Variants in NRCAM observed in about 807,000 individuals in gnomAD.
The protein encoded by NRCAM is NgCAM-related cell adhesion molecule.
NRCAM carries 83 observed loss-of-function variants against 156.5 expected under a neutral mutation model. The observed-to-expected ratio is 0.53, with a 90% CI of 0.44 to 0.64. The LOEUF (loss-of-function observed/expected upper bound fraction) is 0.64. NRCAM is among the 30% of genes least tolerant of loss of function. NRCAM has a pLI of 0.00. For missense variants in NRCAM, 1,417 were observed against 1,597.3 expected (o/e 0.89, Z 1.92); for synonymous variants, 538 against 563.9 (o/e 0.95, Z 0.65).
At chr7:108,296,210 AAGTGGG>A (rs367854296) in intron 3 of NRCAM, among the ~76,000 whole-genome samples, 25 of 152,208 alleles carry the variant, frequency 1.6e-4, no homozygotes, top group African/African-American at 5.8e-4. Context: ...CTAGTGGACA[AAGTGGG>A]GCCTCTGTAA....
chr7:108,446,604 C>T (rs1844468973), intron 1 of NRCAM, among the ~76,000 whole-genome samples: 1 of 152,146 alleles, frequency 6.6e-6, no homozygotes, highest in African/African-American at 2.4e-5. Flanking sequence ...AAGCAAGGGC[C>T]CCCAATGCCT....
At chr7:108,213,856 T>C (rs1301520468) in intron 11 of NRCAM, among the ~76,000 whole-genome samples, 4 of 152,214 alleles carry the variant, frequency 2.6e-5, no homozygotes, top group Admixed American at 6.5e-5. Context: ...AAGATGATCA[T>C]GTGGTTTTTG....
intron 1 of NRCAM, among the ~76,000 whole-genome samples, chr7:108,418,597 A>ACG (rs1373147735): frequency 2.0e-5 from 3 of 149,116 alleles, no homozygotes; most frequent in Non-Finnish European, 4.5e-5. Context: ...ACACACACAC[A>ACG]CACGCACTGA....
intron 3 of NRCAM, among the ~76,000 whole-genome samples, chr7:108,245,570 T>C (rs888379981): frequency 1.3e-4 from 20 of 152,146 alleles, no homozygotes; most frequent in African/African-American, 4.8e-4. Flanking sequence ...ACAATATTCA[T>C]AAAGTACAAA....
At chr7:108,282,385 A>C (rs545299954) in intron 3 of NRCAM, among the ~76,000 whole-genome samples, 13 of 152,312 alleles carry the variant, frequency 8.5e-5, no homozygotes, top group African/African-American at 3.1e-4. Flanking sequence ...AGACATGATT[A>C]CCAGAAACAT....
chr7:108,293,532 C>T (rs748492436), intron 3 of NRCAM, among the ~76,000 whole-genome samples: 2 of 152,156 alleles, frequency 1.3e-5, no homozygotes, highest in South Asian at 4.1e-4. Context: ...TGTTTTCCTA[C>T]GTCATAAAGG....
intron 1 of NRCAM, among the ~76,000 whole-genome samples, chr7:108,402,121 CATG>C (rs1185393280): frequency 3.9e-5 from 6 of 152,222 alleles, no homozygotes; most frequent in Non-Finnish European, 8.8e-5. Context: ...CTCAGTCCAT[CATG>C]ATATCTGAGT....
At chr7:108,381,488 T>C (rs567844366) in intron 2 of NRCAM, among the ~76,000 whole-genome samples, 1 of 151,850 alleles carries the variant, frequency 6.6e-6, no homozygotes, top group African/African-American at 2.4e-5. Context: ...CAAATTTCAA[T>C]AGAAAATGTT....
intron 3 of NRCAM, among the ~76,000 whole-genome samples, chr7:108,251,905 T>C (rs1385799502): frequency 6.6e-6 from 1 of 152,076 alleles, no homozygotes; most frequent in Admixed American, 6.6e-5. Context: ...ATTGCATCAC[T>C]ACACTCCAGC....
At chr7:108,384,937 C>T (rs930231530) in intron 2 of NRCAM, among the ~76,000 whole-genome samples, 1 of 152,152 alleles carries the variant, frequency 6.6e-6, no homozygotes, top group Non-Finnish European at 1.5e-5. Context: ...AACTAAACAA[C>T]ATGCCAAGTG....
At chr7:108,154,580 A>G (rs1406613954) in intron 32 of NRCAM, among the ~76,000 whole-genome samples, 7 of 152,196 alleles carry the variant, frequency 4.6e-5, no homozygotes, top group Non-Finnish European at 1.0e-4. Flanking sequence ...TGCTTGAAAG[A>G]AGAGAAGGAA....
intron 1 of NRCAM, among the ~76,000 whole-genome samples, chr7:108,445,916 TC>T (rs1201461840): frequency 6.6e-6 from 1 of 152,186 alleles, no homozygotes; most frequent in Admixed American, 6.5e-5. Context: ...CATGAGAGCT[TC>T]TGATCTGTTT....
At chr7:108,447,255 CTTTCTTTTTTT>C (rs1676314390) in intron 1 of NRCAM, among the ~76,000 whole-genome samples, 1 of 104,538 alleles carries the variant, frequency 9.6e-6, no homozygotes, top group Admixed American at 1.1e-4. Flanking sequence ...AAGTTCACTT[CTTTCTTTTTTT>C]TTTTTTTTTT....
At chr7:108,221,173 C>A (rs1242672662) in intron 11 of NRCAM, among the ~76,000 whole-genome samples, 1 of 152,128 alleles carries the variant, frequency 6.6e-6, no homozygotes, top group Admixed American at 6.6e-5. Context: ...GCAAGAATGG[C>A]CATAACCAAA....
intron 3 of NRCAM, among the ~76,000 whole-genome samples, chr7:108,254,625 G>A (rs894710330): frequency 1.3e-5 from 2 of 148,686 alleles, no homozygotes; most frequent in African/African-American, 2.5e-5. Flanking sequence ...TCAGCTAAGG[G>A]CAACCTCTGT....
chr7:108,207,307 T>C, intron 13 of NRCAM: 1 of 383,778 alleles, frequency 2.6e-6, no homozygotes. Context: ...TATTGCCAAG[T>C]ACCAGTCATC....
intron 3 of NRCAM, among the ~76,000 whole-genome samples, chr7:108,308,652 C>A (rs1192779072): frequency 1.3e-5 from 2 of 152,214 alleles, no homozygotes; most frequent in Non-Finnish European, 2.9e-5. Context: ...CTCACTATGG[C>A]ATTATCCTTA....
chr7:108,364,513 C>A (rs12538050), intron 2 of NRCAM, among the ~76,000 whole-genome samples: 1 of 151,884 alleles, frequency 6.6e-6, no homozygotes, highest in East Asian at 1.9e-4. Flanking sequence ...TGTATAGACC[C>A]GGGAGAACTG....
At chr7:108,200,594 T>C (rs566204308) in intron 13 of NRCAM, among the ~76,000 whole-genome samples, 1 of 152,284 alleles carries the variant, frequency 6.6e-6, no homozygotes, top group South Asian at 2.1e-4. Flanking sequence ...TTCTGGAGAC[T>C]TGTTCTCTGT....
Sources: gnomAD v4.1 joint callset for allele counts (sites outside exome capture counted in the v4.1 genomes callset) on GRCh38, gnomAD v4.1.1 for gene constraint, MANE v1.5 for transcripts, NCBI Gene and HGNC (gene_info 2026-07-23, HGNC 2026-07-21) for gene names.